The following TAF2 variants were observed in gnomAD, a reference collection of about 807,000 sequenced individuals.
TAF2 encodes the protein transcription initiation factor TFIID subunit 2.
A neutral mutation model predicts 138.5 loss-of-function variants in TAF2; 61 were observed. That is an observed-to-expected ratio of 0.44 (90% confidence interval 0.36 to 0.54). The LOEUF is 0.54. TAF2 is among the 20% of genes least tolerant of loss of function. TAF2 has a pLI of 0.00. For synonymous variants in TAF2, 475 were observed against 469.9 expected, an observed-to-expected ratio of 1.01 and a Z score of -0.14; for missense variants, 1,090 against 1,427.9, an observed-to-expected ratio of 0.76 and a Z score of 3.81.
At chr8:119,798,227 ACT>A (rs1823970003) in intron 6 of TAF2, among the ~76,000 whole-genome samples, 1 of 152,198 alleles carries the variant, frequency 6.6e-6, no homozygotes. Context: ...ACGTTATAGT[ACT>A]ATCTTATCAA....
At chr8:119,822,944 T>C (rs1404385738) in intron 2 of TAF2, among the ~76,000 whole-genome samples, 3 of 152,212 alleles carry the variant, frequency 2.0e-5, no homozygotes, top group Non-Finnish European at 4.4e-5. Flanking sequence ...CTCTGCCAAC[T>C]ACCAATTACC....
At chr8:119,753,076 GAAGAT>G (rs1820462393) in intron 22 of TAF2, among the ~76,000 whole-genome samples, 1 of 152,070 alleles carries the variant, frequency 6.6e-6, no homozygotes, top group African/African-American at 2.4e-5. Flanking sequence ...TAACCATTAA[GAAGAT>G]AATATAGCAG....
intron 22 of TAF2, among the ~76,000 whole-genome samples, chr8:119,748,852 G>A (rs745861148): frequency 5.9e-5 from 9 of 152,044 alleles, no homozygotes; most frequent in Non-Finnish European, 1.3e-4. Flanking sequence ...CAGAGCAGCT[G>A]GCCCTGTATC....
rs999154043 is a variant in TAF2, at chr8:119,792,131, A to G, written c.1278-672T>C. On this transcript the variant is annotated intron_variant, in intron 10 of 25. Transcript: ENST00000378164. ...AAATATTTCTGTATGATAAATGCCT[A>G]GAAGAATTTCTTTCTTTCTTTTTTT... is the stretch of plus-strand genomic sequence containing the variant. 2.0e-5 allele frequency among the ~76,000 whole-genome samples: 3 copies of G among 151,012 alleles called. No homozygotes were observed. In the East Asian group the frequency reaches 5.9e-4, roughly 30 times the overall value.
intron 5 of TAF2, among the ~76,000 whole-genome samples, chr8:119,803,593 G>A (rs995935270): frequency 1.1e-4 from 17 of 151,798 alleles, no homozygotes; most frequent in Admixed American, 1.1e-3. Context: ...TTGGGAGGCT[G>A]AGGCATGAGA....
intron 15 of TAF2, among the ~76,000 whole-genome samples, chr8:119,784,472 C>T (rs1361702226): frequency 6.6e-6 from 1 of 152,080 alleles, no homozygotes; most frequent in Non-Finnish European, 1.5e-5. Flanking sequence ...GCACTCCAGC[C>T]TGGGCAACCA....
intron 2 of TAF2, among the ~76,000 whole-genome samples, chr8:119,829,671 C>G (rs1391076126): frequency 6.6e-6 from 1 of 151,918 alleles, no homozygotes. Flanking sequence ...CATCCACAAC[C>G]CCTTTATAGC....
chr8:119,800,845 T>C (rs1401156621), intron 6 of TAF2, among the ~76,000 whole-genome samples: 2 of 152,168 alleles, frequency 1.3e-5, no homozygotes, highest in Non-Finnish European at 2.9e-5. Context: ...GTGGTCAAAT[T>C]ATATGCTTAT....
chr8:119,796,809 T>C (rs1019574199), intron 8 of TAF2, among the ~76,000 whole-genome samples, 181 bp downstream of exon 8: 1 of 152,096 alleles, frequency 6.6e-6, no homozygotes, highest in African/African-American at 2.4e-5. Flanking sequence ...AGTGACTATA[T>C]TGATTTCATG....
intron 25 of TAF2, among the ~76,000 whole-genome samples, chr8:119,733,121 T>TC (rs1818992032): frequency 1.3e-5 from 2 of 152,126 alleles, no homozygotes; most frequent in South Asian, 4.1e-4. Flanking sequence ...TTGGAACTAA[T>TC]CCCCTCTGCG....
At chr8:119,798,905 AATTTT>A (rs1824027398) in intron 6 of TAF2, among the ~76,000 whole-genome samples, 1 of 152,202 alleles carries the variant, frequency 6.6e-6, no homozygotes, top group African/African-American at 2.4e-5. Flanking sequence ...ATTTAATCAT[AATTTT>A]ATTTGTGTAT....
intron 16 of TAF2, 71 bp from the exon 17 acceptor site, chr8:119,781,264 TA>T: frequency 6.4e-7 from 1 of 1,563,922 alleles, no homozygotes; most frequent in Non-Finnish European, 8.7e-7. Flanking sequence ...AACAGCTTCT[TA>T]AAAGTTATCA....
At chr8:119,829,033 G>C (rs1283794255) in intron 2 of TAF2, among the ~76,000 whole-genome samples, 1 of 152,222 alleles carries the variant, frequency 6.6e-6, no homozygotes, top group Non-Finnish European at 1.5e-5. Flanking sequence ...ATAGGACTTT[G>C]TAAGTTCCCC....
intron 25 of TAF2, among the ~76,000 whole-genome samples, chr8:119,737,134 G>A (rs569917696): frequency 6.6e-6 from 1 of 152,284 alleles, no homozygotes; most frequent in Admixed American, 6.5e-5. Flanking sequence ...TGGACCCTAC[G>A]TGGACACTGA....
chr8:119,759,810 GGCAAA>G (rs1433641477), intron 20 of TAF2, among the ~76,000 whole-genome samples: 7 of 152,000 alleles, frequency 4.6e-5, no homozygotes, highest in Admixed American at 4.6e-4. Flanking sequence ...CAACAACTTT[GGCAAA>G]GCAGAAAATC....
chr8:119,793,895 T>A (rs1442591835), intron 9 of TAF2, among the ~76,000 whole-genome samples: 1 of 146,890 alleles, frequency 6.8e-6, no homozygotes, highest in Non-Finnish European at 1.5e-5. Context: ...GATTTTTTTT[T>A]TTAAACAGAA....
intron 17 of TAF2, 150 bp from the exon 18 acceptor site, chr8:119,778,279 T>C (rs1260566051): frequency 5.3e-6 from 3 of 570,604 alleles, no homozygotes; most frequent in Non-Finnish European, 9.4e-6. Context: ...CCCCTCCCAC[T>C]GACAACATAT....
chr8:119,744,139 T>G, intron 24 of TAF2, 149 bp downstream of exon 24: 1 of 800,940 alleles, frequency 1.2e-6, no homozygotes, highest in Non-Finnish European at 2.0e-6. Flanking sequence ...TTTTGCCAAT[T>G]TATGTTATAA....
At chr8:119,777,179 T>C (rs1822313661) in intron 18 of TAF2, among the ~76,000 whole-genome samples, 1 of 152,214 alleles carries the variant, frequency 6.6e-6, no homozygotes, top group Non-Finnish European at 1.5e-5. Context: ...ATAACATTTA[T>C]ATAAAGAACT....
Sources: gnomAD v4.1 joint callset for allele counts (sites outside exome capture counted in the v4.1 genomes callset) on GRCh38, gnomAD v4.1.1 for gene constraint, MANE v1.5 for transcripts, NCBI Gene and HGNC (gene_info 2026-07-23, HGNC 2026-07-21) for gene names.